The following PCDHGB7 variants were observed in gnomAD, a reference collection of about 807,000 sequenced individuals.
The protein encoded by PCDHGB7 is protocadherin gamma subfamily B, 7, also known as protocadherin gamma-B7.
A neutral mutation model predicts 61.4 loss-of-function variants in PCDHGB7; 37 were observed. That is an observed-to-expected ratio of 0.60 (90% CI 0.46 to 0.79). The LOEUF (loss-of-function observed/expected upper bound fraction) is 0.79. Ranked by LOEUF, PCDHGB7 falls within the 30% of genes least tolerant of loss-of-function variation. PCDHGB7 has a pLI of 0.00. For missense variants in PCDHGB7, 1,166 were observed against 1,202.5 expected (o/e 0.97, Z 0.45); for synonymous variants, 464 against 503.5 (o/e 0.92, Z 1.05).
In PCDHGB7 at chr5:141,487,598, C is replaced by T. The variant is rs1450685717; in HGVS notation, c.2416-7209C>T. 6.2e-7 allele frequency: 1 copy of T among 1,614,210 alleles called. No homozygotes were observed. The highest frequency in any genetic ancestry group is 8.5e-7 in the Non-Finnish European group (1 of 1,180,046). ...TCGCCCAAGCTGCCCACCCTCTGAT[C>T]TTCTCTATGGGCTAGAGGTGAGACC... is the stretch of plus-strand genomic sequence containing the variant. On this transcript the variant is annotated intron_variant, in intron 1 of 3. Transcript: ENST00000398594. The surrounding 1 kb of genome is among the most constrained non-coding windows in gnomAD (Gnocchi z 5.0).
Position 141,431,154 on chromosome 5 carries a change from A to G in PCDHGB7, c.2415+10880A>G, listed in dbSNP as rs754200786. ...AGGGACATTAACGACAATGCGCCTT[A>G]CTTTCGTGAAAGTGAATTAGAAATA... On this transcript the variant is annotated intron_variant, in intron 1 of 3. Coordinates refer to ENST00000398594, the MANE Select transcript of PCDHGB7 (RefSeq NM_018927.4). The surrounding 1 kb of genome is among the most constrained non-coding windows in gnomAD (Gnocchi z 4.8). 1.1e-5 allele frequency: 18 copies of G among 1,614,136 alleles called. No homozygotes were observed. In the East Asian group the frequency reaches 4.0e-4, roughly 36 times the overall value.
chr5:141,452,652 C>T (rs1420422511), intron 1 of PCDHGB7, among the ~76,000 whole-genome samples: 1 of 151,916 alleles, frequency 6.6e-6, no homozygotes. Flanking sequence ...TCATTTGCTC[C>T]ATCCACTGCA....
At chr5:141,422,292 T>C in intron 1 of PCDHGB7, 1 of 1,552,434 alleles carries the variant, frequency 6.4e-7, no homozygotes. Context: ...CTTCTATTAA[T>C]TCAATTCTGG....
chr5:141,486,322 A>G lies in PCDHGB7; in HGVS notation c.2416-8485A>G. The G allele has an allele frequency of 1.9e-6, 3 of 1,613,926 alleles. No homozygotes were observed. The highest frequency in any genetic ancestry group is 2.5e-6 in the Non-Finnish European group (3 of 1,179,962). On this transcript the variant is annotated intron_variant, in intron 1 of 3. Coordinates refer to ENST00000398594, the MANE Select transcript of PCDHGB7 (RefSeq NM_018927.4). This position sits in a 1 kb window ranked among gnomAD's most constrained non-coding sequence, Gnocchi z 5.0. ...AGGATCCAGACTCAGGGTCAAACGG[A>G]GATGTGAGCCTCCGCATTCCTGACC...
chr5:141,472,980 CA>C (rs60579131), intron 1 of PCDHGB7, among the ~76,000 whole-genome samples: 39,687 of 85,940 alleles, frequency 0.46, 5,633 homozygotes, highest in African/African-American at 0.56. Flanking sequence ...GAGTGAAACT[CA>C]AAAAAAAAAA....
At chr5:141,500,360 T>C (rs1224064939) in intron 2 of PCDHGB7, among the ~76,000 whole-genome samples, 1 of 151,664 alleles carries the variant, frequency 6.6e-6, no homozygotes, top group Non-Finnish European at 1.5e-5. Context: ...AGGCGCCCAC[T>C]ACCACGCCCG....
At chr5:141,500,876 A>G (rs909126749) in intron 2 of PCDHGB7, among the ~76,000 whole-genome samples, 1 of 124,952 alleles carries the variant, frequency 8.0e-6, no homozygotes, top group African/African-American at 3.5e-5. Flanking sequence ...ATTCATTTAC[A>G]ATTTTTTTTT....
chr5:141,451,237 A>G (rs1405567593), intron 1 of PCDHGB7, among the ~76,000 whole-genome samples: 1 of 152,198 alleles, frequency 6.6e-6, no homozygotes, highest in Non-Finnish European at 1.5e-5. Context: ...TTATTATCTC[A>G]TAAATTTTGT....
chr5:141,418,093 C>T lies in PCDHGB7; in HGVS notation c.234C>T (p.Asp78=). Residue 78 remains aspartate (D), a synonymous_variant, in exon 1 of 4, where the codon GAC becomes GAT. Transcript: ENST00000398594. ...CGGAGAAGCTGCACTTCAGCGTAGA[C>T]GCGCAGAGCGGGGACTTACTTGTGA... ...VSAEKLHFSV[D]AQSGDLLVKD... is the part of the protein sequence containing the mutation. 1 of 1,614,032 alleles carries T rather than the reference C, an allele frequency of 6.2e-7. No homozygotes were observed. The highest frequency in any genetic ancestry group is 2.2e-5 in the East Asian group (1 of 44,880).
At position 141,431,303 on chromosome 5, in the gene PCDHGB7, G is replaced by T. The variant is rs777784010; in HGVS notation, c.2415+11029G>T. The T allele has an allele frequency of 1.2e-6, 2 of 1,614,060 alleles. No homozygotes were observed. Among genetic ancestry groups the T allele is most frequent in the Non-Finnish European group, 1.7e-6 (2 of 1,180,038 alleles). On this transcript the variant is annotated intron_variant, in intron 1 of 3. Coordinates refer to ENST00000398594, the MANE Select transcript of PCDHGB7 (RefSeq NM_018927.4). The surrounding 1 kb of genome is among the most constrained non-coding windows in gnomAD (Gnocchi z 4.8). ...CCCGAACACTCACTTCTCCCTCATC[G>T]TGCAAAATGGAGCCGACGGTAGTAA...
chr5:141,465,800 C>G (rs1486100601), intron 1 of PCDHGB7, among the ~76,000 whole-genome samples: 2 of 151,524 alleles, frequency 1.3e-5, no homozygotes, highest in East Asian at 3.9e-4. Flanking sequence ...TTTAAGAAAC[C>G]CTTCAGGATC....
At chr5:141,443,751 A>C (rs1372334547) in intron 1 of PCDHGB7, among the ~76,000 whole-genome samples, 3 of 152,230 alleles carry the variant, frequency 2.0e-5, no homozygotes, top group African/African-American at 7.2e-5. Context: ...GTGAATTGGA[A>C]GCTTACAATA....
At chr5:141,441,494 ACCAGG>A (rs1325946941) in intron 1 of PCDHGB7, 1 of 170,360 alleles carries the variant, frequency 5.9e-6, no homozygotes, top group Non-Finnish European at 1.3e-5. Flanking sequence ...CTGGTTTTCT[ACCAGG>A]CCTCCTACGT....
intron 1 of PCDHGB7, chr5:141,441,162 G>T (rs1009205566): frequency 6.6e-6 from 1 of 152,166 alleles, no homozygotes; most frequent in African/African-American, 2.4e-5. Context: ...TCCTAGAGGC[G>T]ATTTTTACTT....
At chr5:141,430,841 T>C (rs757539834) in intron 1 of PCDHGB7, 1 of 1,566,462 alleles carries the variant, frequency 6.4e-7, no homozygotes, top group South Asian at 1.2e-5. Flanking sequence ...GGAGACCGGA[T>C]GCACCCAGAT....
chr5:141,485,357 C>T lies in PCDHGB7; in HGVS notation c.2416-9450C>T. ...GCTGGATACGGACAGTCTGTCAGCT[C>T]GCAGGCTGCAGGTCGCTGGAGAGGT... On this transcript the variant is annotated intron_variant, in intron 1 of 3. Transcript: ENST00000398594. The surrounding 1 kb of genome is among the most constrained non-coding windows in gnomAD (Gnocchi z 5.7). 1.2e-6 allele frequency: 2 copies of T among 1,614,084 alleles called. No individual in the cohort carries two copies. The highest frequency in any genetic ancestry group is 1.1e-5 in the South Asian group (1 of 91,070).
At position 141,476,499 on chromosome 5, in the gene PCDHGB7, T is replaced by A. The variant is rs763373223; in HGVS notation, c.2416-18308T>A. On this transcript the variant is annotated intron_variant, in intron 1 of 3. Coordinates refer to ENST00000398594, the MANE Select transcript of PCDHGB7 (RefSeq NM_018927.4). This position sits in a 1 kb window ranked among gnomAD's most constrained non-coding sequence, Gnocchi z 7.6. Reference sequence around the variant, plus strand: ...AGCGTGGAAGTGGTGATCCAGGACATCAACGACAACAATCCTGCTTTCCCT... The same window carrying A: ...AGCGTGGAAGTGGTGATCCAGGACAACAACGACAACAATCCTGCTTTCCCT... 3.1e-6 allele frequency: 5 copies of A among 1,613,992 alleles called. No individual in the cohort carries two copies. The South Asian group carries it at 5.5e-5, about 18-fold the overall frequency.
chr5:141,486,211 T>C lies in PCDHGB7; in HGVS notation c.2416-8596T>C, dbSNP rs779905477. On this transcript the variant is annotated intron_variant, in intron 1 of 3. Coordinates refer to ENST00000398594, the MANE Select transcript of PCDHGB7 (RefSeq NM_018927.4). The surrounding 1 kb of genome is among the most constrained non-coding windows in gnomAD (Gnocchi z 5.0). ...TGGATCTGCTGGACGTAAATGACAA[T>C]GCCCCTTACATCACAGTGACCTCAG... 6.2e-7 allele frequency: 1 copy of C among 1,614,142 alleles called. No homozygotes were observed. Among genetic ancestry groups the C allele is most frequent in the Non-Finnish European group, 8.5e-7 (1 of 1,180,024 alleles).
intron 1 of PCDHGB7, chr5:141,421,777 CG>C (rs760013586): frequency 1.2e-6 from 2 of 1,613,804 alleles, no homozygotes; most frequent in Admixed American, 3.3e-5. Flanking sequence ...CTTGCAACTG[CG>C]GGGCAGAACG....
Sources: gnomAD v4.1 joint callset for allele counts (sites outside exome capture counted in the v4.1 genomes callset) on GRCh38, gnomAD v4.1.1 for gene constraint, Gnocchi (gnomAD v3.1) non-coding constraint, MANE v1.5 for transcripts, NCBI Gene and HGNC (gene_info 2026-07-23, HGNC 2026-07-21) for gene names.